Variants in INPP4B observed in about 807,000 individuals in gnomAD.
INPP4B encodes inositol polyphosphate 4-phosphatase type II.
In INPP4B, 55 loss-of-function variants were observed where a neutral mutation model predicts 122.5. The observed-to-expected ratio is 0.45, with a 90% CI of 0.36 to 0.56. INPP4B has a LOEUF of 0.56. Ranked by LOEUF, INPP4B falls within the 20% of genes least tolerant of loss-of-function variation. The pLI is 0.00. For synonymous variants in INPP4B, 403 were observed against 388.7 expected (o/e 1.04, Z -0.43); for missense variants, 1,000 against 1,097.7 (o/e 0.91, Z 1.26).
At chr4:142,544,488 CAT>C (rs1273778050) in intron 2 of INPP4B, among the ~76,000 whole-genome samples, 1 of 152,030 alleles carries the variant, frequency 6.6e-6, no homozygotes, top group Non-Finnish European at 1.5e-5. Context: ...GTTGCCATCA[CAT>C]GAGACCTTCC....
intron 2 of INPP4B, chr4:142,473,107 A>G (rs900217138): frequency 6.6e-6 from 1 of 152,208 alleles, no homozygotes; most frequent in Non-Finnish European, 1.5e-5. Flanking sequence ...CATTAGCTAC[A>G]TGACTAAGTA....
intron 7 of INPP4B, among the ~76,000 whole-genome samples, chr4:142,395,220 T>A (rs1394103360): frequency 6.6e-6 from 1 of 152,200 alleles, no homozygotes; most frequent in Non-Finnish European, 1.5e-5. Context: ...GAGTGCAATG[T>A]ACTTTGATAT....
intron 14 of INPP4B, among the ~76,000 whole-genome samples, chr4:142,202,407 TGCAAAA>T (rs1841019729): frequency 6.6e-6 from 1 of 152,112 alleles, no homozygotes; most frequent in Non-Finnish European, 1.5e-5. Context: ...TGGCAGGAAT[TGCAAAA>T]GCCTTTAGGG....
chr4:142,777,099 G>A (rs558217375), intron 1 of INPP4B, among the ~76,000 whole-genome samples: 15 of 152,262 alleles, frequency 9.9e-5, no homozygotes, highest in African/African-American at 3.4e-4. Flanking sequence ...TGTTAAGGCA[G>A]TGGCTCAACT....
chr4:142,323,398 A>G (rs992807000), intron 7 of INPP4B, among the ~76,000 whole-genome samples: 3 of 151,812 alleles, frequency 2.0e-5, no homozygotes, highest in Non-Finnish European at 4.4e-5. Context: ...TTGCACCTAA[A>G]CATGCCTGAA....
intron 2 of INPP4B, among the ~76,000 whole-genome samples, chr4:142,605,544 C>T (rs888447775): frequency 6.6e-6 from 1 of 151,756 alleles, no homozygotes. Flanking sequence ...GGGGACTGCT[C>T]TTCAAAATAT....
intron 1 of INPP4B, among the ~76,000 whole-genome samples, chr4:142,835,334 G>C (rs2151194715): frequency 6.6e-6 from 1 of 152,138 alleles, no homozygotes; most frequent in South Asian, 2.1e-4. Flanking sequence ...TAAACCACAG[G>C]GCTCTTGTTA....
At chr4:142,451,021 C>A (rs1486847204) in intron 3 of INPP4B, among the ~76,000 whole-genome samples, 4 of 150,152 alleles carry the variant, frequency 2.7e-5, no homozygotes. Context: ...CATTTAATAT[C>A]CAAGTACTAC....
chr4:142,222,141 G>A (rs1849636470), intron 12 of INPP4B, among the ~76,000 whole-genome samples: 1 of 152,106 alleles, frequency 6.6e-6, no homozygotes, highest in Non-Finnish European at 1.5e-5. Flanking sequence ...TGTAGTTTTA[G>A]TAGAGACAGG....
At chr4:142,042,526 GT>G (rs1748498807) in intron 25 of INPP4B, among the ~76,000 whole-genome samples, 1 of 41,180 alleles carries the variant, frequency 2.4e-5, no homozygotes. Flanking sequence ...GTGTATGTAT[GT>G]ATGTATGTAT....
chr4:142,107,275 G>T (rs1787639493), intron 23 of INPP4B, among the ~76,000 whole-genome samples: 1 of 152,014 alleles, frequency 6.6e-6, no homozygotes, highest in African/African-American at 2.4e-5. Flanking sequence ...CTAAATAACA[G>T]AATATAAATC....
chr4:142,363,423 A>G (rs1786235725), intron 7 of INPP4B, among the ~76,000 whole-genome samples: 1 of 151,874 alleles, frequency 6.6e-6, no homozygotes, highest in South Asian at 2.1e-4. Flanking sequence ...TTATTGTTAC[A>G]TGTGTATATA....
At chr4:142,845,258 C>A (rs1255356260) in intron 1 of INPP4B, among the ~76,000 whole-genome samples, 1 of 152,074 alleles carries the variant, frequency 6.6e-6, no homozygotes, top group Non-Finnish European at 1.5e-5. Context: ...AAACTACTGC[C>A]CCCAAGGAAG....
chr4:142,402,972 G>A lies in INPP4B; in HGVS notation c.338C>T (p.Thr113Ile). 6.3e-7 allele frequency: 1 copy of A among 1,593,204 alleles called. No individual in the cohort carries two copies. The highest frequency in any genetic ancestry group is 8.6e-7 in the Non-Finnish European group (1 of 1,160,934). Reference sequence around the variant, plus strand: ...AGACTTATCCTTGACATCATAGACTGTTAGTTTTATTTTGGTCTCCTCATA... The same window carrying A: ...AGACTTATCCTTGACATCATAGACTATTAGTTTTATTTTGGTCTCCTCATA... Reference protein sequence around the residue: ...PIYEETKIKLTVYDVKDKSHD... With the variant: ...PIYEETKIKLIVYDVKDKSHD... Residue 113 changes from threonine (T) to isoleucine (I), a missense_variant, in exon 7 of 26, where the codon ACA (threonine) becomes ATA (isoleucine). By Grantham distance (89) the Thr-to-Ile change is moderately conservative. Transcript: ENST00000262992.
intron 8 of INPP4B, among the ~76,000 whole-genome samples, chr4:142,312,126 G>A (rs186701213): frequency 1.5e-4 from 23 of 152,266 alleles, no homozygotes; most frequent in Admixed American, 3.9e-4. Flanking sequence ...AATTATAGCC[G>A]AGTTTTTTCA....
At chr4:142,151,145 A>T (rs1331160660) in intron 17 of INPP4B, among the ~76,000 whole-genome samples, 1 of 152,140 alleles carries the variant, frequency 6.6e-6, no homozygotes, top group Non-Finnish European at 1.5e-5. Flanking sequence ...AATACTGCAA[A>T]CCTTTATTCT....
intron 2 of INPP4B, among the ~76,000 whole-genome samples, chr4:142,581,417 T>C (rs1008823241): frequency 3.9e-5 from 6 of 151,954 alleles, no homozygotes; most frequent in Non-Finnish European, 7.4e-5. Flanking sequence ...ATTGATATAC[T>C]AGCTTTCAAA....
At chr4:142,196,949 AC>A (rs1838500176) in intron 14 of INPP4B, among the ~76,000 whole-genome samples, 1 of 151,422 alleles carries the variant, frequency 6.6e-6, no homozygotes, top group Non-Finnish European at 1.5e-5. Flanking sequence ...ACATGATGAA[AC>A]CCCGTCTCTA....
intron 1 of INPP4B, among the ~76,000 whole-genome samples, chr4:142,761,204 CCA>C (rs1771295582): frequency 6.6e-6 from 1 of 150,454 alleles, no homozygotes; most frequent in African/African-American, 2.5e-5. Flanking sequence ...TAAAAAATAT[CCA>C]CACCTTATTG....
Sources: allele counts gnomAD v4.1 joint callset (sites outside exome capture counted in the v4.1 genomes callset), GRCh38; gene constraint gnomAD v4.1.1; transcripts MANE v1.5; gene names NCBI Gene and HGNC (gene_info 2026-07-23, HGNC 2026-07-21).